TIAM2: variants seen among roughly 807,000 people sequenced by gnomAD.
The protein encoded by TIAM2 is TIAM Rac1 associated GEF 2.
In TIAM2, 80 loss-of-function variants were observed where a neutral mutation model predicts 152.9. The ratio of observed to expected loss-of-function variants is 0.52; its 90% CI spans 0.44 to 0.63. The LOEUF is 0.63. Ranked by LOEUF, TIAM2 falls within the 30% of genes least tolerant of loss-of-function variation. TIAM2 has a pLI of 0.00. For missense variants in TIAM2, 1,965 were observed against 2,120.1 expected, an observed-to-expected ratio of 0.93 and a Z score of 1.44; for synonymous variants, 804 against 838.0, an observed-to-expected ratio of 0.96 and a Z score of 0.70.
At chr6:155,019,273 G>T (rs898767585) in intron 1 of TIAM2, among the ~76,000 whole-genome samples, 2 of 151,636 alleles carry the variant, frequency 1.3e-5, no homozygotes, top group Admixed American at 1.3e-4. Flanking sequence ...GGTGGAGGCT[G>T]CAGTGAGCTG....
At chr6:155,189,056 C>T (rs1421135796) in intron 14 of TIAM2, among the ~76,000 whole-genome samples, 2 of 152,098 alleles carry the variant, frequency 1.3e-5, no homozygotes, top group Admixed American at 6.5e-5. Context: ...GAAGCCACTT[C>T]GATGTAAATT....
chr6:155,021,880 A>C (rs545046256), intron 1 of TIAM2, among the ~76,000 whole-genome samples: 1 of 152,304 alleles, frequency 6.6e-6, no homozygotes, highest in South Asian at 2.1e-4. Context: ...CAGTGCACAC[A>C]TCAGTGCTGT....
chr6:155,179,120 C>T lies in TIAM2; in HGVS notation c.2605C>T (p.Pro869Ser). ...DDNVEYCIPA[P>S]YEYMQQQVYD... is the part of the protein sequence containing the mutation. ...CAATGTTGAGTATTGCATCCCTGCACCATATGAATATATGCAACAACAGGT... is the reference window on the plus strand; with the variant it reads ...CAATGTTGAGTATTGCATCCCTGCATCATATGAATATATGCAACAACAGGT... The change falls in exon 11 of 27, where the codon CCA becomes TCA. Residue 869 changes from proline to serine, a missense_variant. Around this residue, in one of 3 missense-constraint regions of TIAM2, gnomAD observed 1,025 missense variants for 1,119.4 expected, o/e 0.92. Transcript: ENST00000682666. 6.2e-7 allele frequency: 1 copy of T among 1,613,860 alleles called. No individual in the cohort carries two copies. Among genetic ancestry groups the T allele is most frequent in the Non-Finnish European group, 8.5e-7 (1 of 1,179,900 alleles).
intron 1 of TIAM2, among the ~76,000 whole-genome samples, chr6:155,029,475 AGT>A (rs1408354552): frequency 0.046 from 597 of 13,086 alleles, 128 homozygotes; most frequent in African/African-American, 0.14. Flanking sequence ...TATATACTAT[AGT>A]ATATATACTA....
chr6:155,037,227 G>A (rs1361453270), intron 1 of TIAM2, among the ~76,000 whole-genome samples: 1 of 152,130 alleles, frequency 6.6e-6, no homozygotes, highest in Non-Finnish European at 1.5e-5. Context: ...TAAAATGGGG[G>A]CAGTAAAATA....
At chr6:155,073,653 C>A (rs565609139) in intron 1 of TIAM2, among the ~76,000 whole-genome samples, 2 of 152,178 alleles carry the variant, frequency 1.3e-5, no homozygotes, top group African/African-American at 4.8e-5. Flanking sequence ...GCCACACCCA[C>A]CAGAGCAGCT....
chr6:155,054,256 C>T (rs1259506138), intron 1 of TIAM2, among the ~76,000 whole-genome samples: 1 of 152,172 alleles, frequency 6.6e-6, no homozygotes, highest in Non-Finnish European at 1.5e-5. Flanking sequence ...GGCACTCGTA[C>T]TCTGTGCACT....
At chr6:155,102,122 A>C (rs1778564094) in intron 2 of TIAM2, among the ~76,000 whole-genome samples, 1 of 151,754 alleles carries the variant, frequency 6.6e-6, no homozygotes, top group African/African-American at 2.4e-5. Flanking sequence ...TCAGCCTCCC[A>C]AATAGCTAGG....
chr6:155,109,315 G>A (rs934738104), intron 2 of TIAM2, among the ~76,000 whole-genome samples: 6 of 152,096 alleles, frequency 3.9e-5, no homozygotes, highest in Non-Finnish European at 5.9e-5. Flanking sequence ...AATACAGGCC[G>A]TGAAGAACAA....
In TIAM2 at chr6:155,181,183, G is replaced by A. The variant is rs116603096; in HGVS notation, c.2708-1043G>A. Among the ~76,000 whole-genome samples the A allele has an allele frequency of 5.4e-3, 824 of 152,234 alleles. 8 individuals carry two copies. Among genetic ancestry groups the A allele is most frequent in the African/African-American group, 0.018 (767 of 41,528 alleles). On this transcript the variant is annotated intron_variant, in intron 12 of 26. Transcript: ENST00000682666. ...TCCTCAAAGAACTCTCCGTATTAGG[G>A]GACCAAGACATGGAAACCTGTGCTC...
chr6:155,177,425 A>T (rs530243285), intron 10 of TIAM2, among the ~76,000 whole-genome samples: 3 of 152,320 alleles, frequency 2.0e-5, no homozygotes, highest in Admixed American at 2.0e-4. Flanking sequence ...TTAATATAAG[A>T]TGATGTTTTA....
intron 2 of TIAM2, among the ~76,000 whole-genome samples, chr6:155,115,170 TAAAA>T (rs11327910): frequency 2.3e-5 from 3 of 132,646 alleles, no homozygotes; most frequent in Admixed American, 7.2e-5. Flanking sequence ...TAAATTGTAC[TAAAA>T]AAAAAAAAAA....
intron 1 of TIAM2, among the ~76,000 whole-genome samples, chr6:155,085,418 C>T (rs906751930): frequency 2.0e-5 from 3 of 152,142 alleles, no homozygotes; most frequent in Non-Finnish European, 2.9e-5. Context: ...CCTGCATTGA[C>T]AGTTGTGCTG....
In TIAM2 at chr6:155,257,013, C is replaced by G; in HGVS notation, c.4998C>G (p.Ala1666=). The change falls in exon 27 of 27, where the codon GCC becomes GCG. Residue 1666 remains alanine (A), a synonymous_variant. Transcript: ENST00000682666. ...CCCTTGACAGTCAGTCTGAAAATGC[C>G]ACCATCGACCTAAATTCTGTTCTAG... ...HQSLDSQSEN[A]TIDLNSVLER... 1 of 1,614,138 alleles carries G rather than the reference C, an allele frequency of 6.2e-7. No individual in the cohort carries two copies. The highest frequency in any genetic ancestry group is 1.1e-5 in the South Asian group (1 of 91,090).
intron 1 of TIAM2, among the ~76,000 whole-genome samples, chr6:155,062,895 G>A (rs1777618141): frequency 6.6e-6 from 1 of 151,960 alleles, no homozygotes; most frequent in Non-Finnish European, 1.5e-5. Context: ...GTTTTAATTT[G>A]CATTTCCTTA....
chr6:155,142,833 G>A lies in TIAM2; in HGVS notation c.1631-1773G>A, dbSNP rs142535318. Among the ~76,000 whole-genome samples, 7 of 152,354 alleles carry A rather than the reference G, an allele frequency of 4.6e-5. No individual in the cohort carries two copies. In the East Asian group the frequency reaches 1.3e-3, roughly 29 times the overall value. ...TCATAAAGTACCATGGAGGGAGAAAGTACTGCTTCCGAAGTCCAAGCTTGG... is the reference window on the plus strand; with the variant it reads ...TCATAAAGTACCATGGAGGGAGAAAATACTGCTTCCGAAGTCCAAGCTTGG... On this transcript the variant is annotated intron_variant, in intron 5 of 26. Coordinates refer to ENST00000682666, the MANE Select transcript of TIAM2 (RefSeq NM_012454.4).
Position 155,257,609 on chromosome 6 carries a change from T to G in TIAM2, c.*488T>G, listed in dbSNP as rs1784150959. On this transcript the variant is annotated 3_prime_UTR_variant, in exon 27 of 27. Coordinates refer to ENST00000682666, the MANE Select transcript of TIAM2 (RefSeq NM_012454.4). ...AGATTGTAATAGATGCTGTTTATAC[T>G]AAACATGTCATAACTATCTATACAG... 9.4e-6 allele frequency: 5 copies of G among 530,104 alleles called. No individual in the cohort carries two copies. The highest frequency in any genetic ancestry group is 1.6e-5 in the Non-Finnish European group (5 of 304,112). The allele number at this position is 530,104 out of a possible 1,614,324, so 32.8% of individuals were successfully genotyped here.
Position 155,240,541 on chromosome 6 carries a change from G to T in TIAM2, c.3180G>T (p.Gln1060His), listed in dbSNP as rs759393094. Residue 1060 changes from glutamine to histidine, a missense_variant, in exon 16 of 27, where the codon CAG becomes CAT. By Grantham distance (24) the Gln-to-His change is conservative. This residue lies in a region of TIAM2 where 935 missense variants were observed against 980.0 expected (regional missense o/e 0.95). Coordinates refer to ENST00000682666, the MANE Select transcript of TIAM2 (RefSeq NM_012454.4). ...TTGTCCTCTCTCAGAGTGCTGAGCA[G>T]ATCACTGCACTGTGCAGGAGTTTTA... ...KMEQTFRSAE[Q>H]ITALCRSFND... 6.2e-7 allele frequency: 1 copy of T among 1,612,468 alleles called. No homozygotes were observed. The highest frequency in any genetic ancestry group is 1.7e-5 in the Admixed American group (1 of 59,990).
chr6:155,256,892 A>G lies in TIAM2; in HGVS notation c.4877A>G (p.Lys1626Arg), dbSNP rs748327157. The G allele has an allele frequency of 3.7e-6, 6 of 1,614,218 alleles. No individual in the cohort carries two copies. Among genetic ancestry groups the G allele is most frequent in the Non-Finnish European group, 5.1e-6 (6 of 1,180,032 alleles). ...GGTCAGAAAGGAGGAGAGCAGCCCAAACTGGTCCGGGGGCACTTCTGCCCC... is the reference window on the plus strand; with the variant it reads ...GGTCAGAAAGGAGGAGAGCAGCCCAGACTGGTCCGGGGGCACTTCTGCCCC... ...GEGQKGGEQP[K>R]LVRGHFCPIK... The change falls in exon 27 of 27, where the codon AAA becomes AGA. Residue 1626 changes from lysine (K) to arginine (R), a missense_variant. Around this residue, in one of 3 missense-constraint regions of TIAM2, gnomAD observed 935 missense variants for 980.0 expected, o/e 0.95. Coordinates refer to ENST00000682666, the MANE Select transcript of TIAM2 (RefSeq NM_012454.4).
Sources: allele counts gnomAD v4.1 joint callset (sites outside exome capture counted in the v4.1 genomes callset), GRCh38; gene constraint gnomAD v4.1.1; regional missense constraint gnomAD v4.1.1; transcripts MANE v1.5; gene names NCBI Gene and HGNC (gene_info 2026-07-23, HGNC 2026-07-21).